SDR42E2: variants seen among roughly 807,000 people sequenced by gnomAD.
SDR42E2 encodes the protein short chain dehydrogenase/reductase family 42E, member 2.
Under a neutral mutation model 10.5 loss-of-function variants are expected in SDR42E2, and 20 were observed. The observed-to-expected ratio is 1.90, with a 90% CI of 1.34 to 2.77. The LOEUF (loss-of-function observed/expected upper bound fraction) is 2.77. SDR42E2 is among the 30% of genes most tolerant of loss of function. The pLI, the probability that SDR42E2 is intolerant of heterozygous loss-of-function variation, is 0.00. For synonymous variants in SDR42E2, 72 were observed against 39.2 expected, an observed-to-expected ratio of 1.84 and a Z score of -3.12; for missense variants, 162 against 104.2, an observed-to-expected ratio of 1.55 and a Z score of -2.42.
At chr16:22,189,688 C>T (rs1267409756) in intron 12 of SDR42E2, among the ~76,000 whole-genome samples, 1 of 152,174 alleles carries the variant, frequency 6.6e-6, no homozygotes. Flanking sequence ...CTGGGGCCCT[C>T]CTGGTCACAG....
chr16:22,164,674 G>A (rs547435979), intron 1 of SDR42E2, among the ~76,000 whole-genome samples: 6 of 152,192 alleles, frequency 3.9e-5, no homozygotes, highest in African/African-American at 9.7e-5. Context: ...CACTACTGTC[G>A]GACCTTGGAG....
chr16:22,165,358 G>C (rs901644047), intron 1 of SDR42E2, among the ~76,000 whole-genome samples, 189 bp from the exon 2 acceptor site: 2 of 152,150 alleles, frequency 1.3e-5, no homozygotes, highest in Non-Finnish European at 2.9e-5. Flanking sequence ...AAACTGCTGG[G>C]ATTACAGACG....
At chr16:22,175,376 C>T (rs2142069404) in intron 7 of SDR42E2, among the ~76,000 whole-genome samples, 1 of 152,100 alleles carries the variant, frequency 6.6e-6, no homozygotes, top group East Asian at 1.9e-4. Flanking sequence ...GGGAGGATCA[C>T]CTGAGCCCAG....
chr16:22,165,194 T>C (rs751382493), intron 1 of SDR42E2, among the ~76,000 whole-genome samples: 10 of 152,140 alleles, frequency 6.6e-5, no homozygotes, highest in Non-Finnish European at 1.3e-4. Context: ...TTCAAGCAAT[T>C]CTTGTGCTTC....
intron 4 of SDR42E2, among the ~76,000 whole-genome samples, chr16:22,168,677 A>C (rs1184058124): frequency 6.6e-6 from 1 of 152,074 alleles, no homozygotes; most frequent in Non-Finnish European, 1.5e-5. Context: ...GTTTGAGACC[A>C]TCCTGACCAA....
chr16:22,171,605 T>G (rs1183244999), intron 6 of SDR42E2, among the ~76,000 whole-genome samples: 1 of 152,028 alleles, frequency 6.6e-6, no homozygotes, highest in Non-Finnish European at 1.5e-5. Context: ...TGATCTCAGC[T>G]CACTGCAACC....
At chr16:22,177,516 T>G (rs982550280) in intron 7 of SDR42E2, among the ~76,000 whole-genome samples, 16 of 151,932 alleles carry the variant, frequency 1.1e-4, no homozygotes, top group African/African-American at 3.4e-4. Context: ...TAATCCCAGC[T>G]ACTTGGGAGG....
chr16:22,176,145 G>T (rs1298021306), intron 7 of SDR42E2, among the ~76,000 whole-genome samples: 1 of 151,962 alleles, frequency 6.6e-6, no homozygotes, highest in Non-Finnish European at 1.5e-5. Context: ...TTGGGACAGG[G>T]TCTCGCTCTG....
intron 5 of SDR42E2, among the ~76,000 whole-genome samples, chr16:22,170,420 C>T (rs2046588274): frequency 6.6e-6 from 1 of 152,152 alleles, no homozygotes; most frequent in Admixed American, 6.6e-5. Context: ...ACCAAAATCG[C>T]AGACCCATGT....
chr16:22,174,674 G>A (rs2046629818), intron 7 of SDR42E2, among the ~76,000 whole-genome samples: 1 of 151,702 alleles, frequency 6.6e-6, no homozygotes, highest in Non-Finnish European at 1.5e-5. Context: ...TTCTCTACCT[G>A]GGGCCTCTGC....
intron 6 of SDR42E2, 117 bp downstream of exon 6, chr16:22,171,068 A>G (rs1321990435): frequency 2.6e-5 from 17 of 663,670 alleles, no homozygotes; most frequent in Non-Finnish European, 4.4e-5. Context: ...CCTAGCAGGA[A>G]GGGGCTCCCA....
At chr16:22,179,932 G>C (rs965150396) in intron 8 of SDR42E2, among the ~76,000 whole-genome samples, 1 of 151,976 alleles carries the variant, frequency 6.6e-6, no homozygotes, top group African/African-American at 2.4e-5. Context: ...AGGGACATTT[G>C]AGCATCCACT....
chr16:22,168,837 C>T lies in SDR42E2; in HGVS notation c.337-608C>T, dbSNP rs191599865. Reference sequence around the variant, plus strand: ...GCAGTGAGCCAAGATTGTACCACTACACTCCACCTTGGACAACAAGAGCTA... The same window carrying T: ...GCAGTGAGCCAAGATTGTACCACTATACTCCACCTTGGACAACAAGAGCTA... On this transcript the variant is annotated intron_variant, in intron 4 of 12. Transcript: ENST00000602312. 5.3e-5 allele frequency among the ~76,000 whole-genome samples: 8 copies of T among 152,194 alleles called. No individual in the cohort carries two copies. In the East Asian group the frequency reaches 1.6e-3, roughly 30 times the overall value.
In SDR42E2 at chr16:22,191,466, C is replaced by T. The variant is rs918423972; in HGVS notation, c.*1073C>T. The stretch of plus-strand genomic sequence containing the variant: ...GGGTGACGTTGGTATGAGTTTGCGC[C>T]GTCGGCTGCTGCTCTGTCTGGTAAC... On this transcript the variant is annotated 3_prime_UTR_variant, in exon 13 of 13. Transcript: ENST00000602312. 13 of 152,222 alleles carry T rather than the reference C, an allele frequency of 8.5e-5. No homozygotes were observed. Among genetic ancestry groups the T allele is most frequent in the African/African-American group, 2.9e-4 (12 of 41,408 alleles). The allele number at this position is 152,222 out of a possible 1,614,324, so 9.4% of individuals were successfully genotyped here. A position where few individuals can be genotyped will look rare whatever the true frequency, so the allele number is the denominator to read the frequency against.
At chr16:22,167,347 G>A (rs1465089628) in intron 4 of SDR42E2, among the ~76,000 whole-genome samples, 1 of 151,712 alleles carries the variant, frequency 6.6e-6, no homozygotes, top group Admixed American at 6.6e-5. Flanking sequence ...AACACGCCCA[G>A]CTAATTTTTG....
intron 7 of SDR42E2, among the ~76,000 whole-genome samples, chr16:22,173,337 G>A (rs566793659): frequency 5.3e-5 from 8 of 151,616 alleles, no homozygotes; most frequent in East Asian, 3.9e-4. Context: ...CTCCTGCCTC[G>A]GCCTCCCGAA....
chr16:22,175,895 A>G (rs1311491011), intron 7 of SDR42E2, among the ~76,000 whole-genome samples: 1 of 151,960 alleles, frequency 6.6e-6, no homozygotes, highest in Non-Finnish European at 1.5e-5. Context: ...CGGGAGGCTG[A>G]GGCAGGCGAA....
Position 22,165,599 on chromosome 16 carries a change from C to A in SDR42E2, c.17C>A (p.Pro6Gln), listed in dbSNP as rs2046528078. 2.5e-6 allele frequency: 1 copy of A among 401,440 alleles called. No individual in the cohort carries two copies. The highest frequency in any genetic ancestry group is 4.4e-6 in the Non-Finnish European group (1 of 226,412). The allele number at this position is 401,440 out of a possible 1,614,324, so 24.9% of individuals were successfully genotyped here. Residue 6 changes from proline (P) to glutamine (Q), a missense_variant, in exon 2 of 13, where the codon CCA becomes CAA. By Grantham distance (76) the Pro-to-Gln change is moderately conservative. Transcript: ENST00000602312. MKSNP[P>Q]RSSLEACKAA... ...CAGTAGAGGATGAAGTCCAACCCCC[C>A]ACGCTCCTCCCTAGAGGCCTGCAAA...
chr16:22,180,385 G>A (rs2046682551), intron 8 of SDR42E2, among the ~76,000 whole-genome samples: 1 of 151,972 alleles, frequency 6.6e-6, no homozygotes, highest in Non-Finnish European at 1.5e-5. Context: ...GGGTGACACA[G>A]GGAGACTCTA....
Sources: gnomAD v4.1 joint callset for allele counts (sites outside exome capture counted in the v4.1 genomes callset) on GRCh38, gnomAD v4.1.1 for gene constraint, MANE v1.5 for transcripts, NCBI Gene and HGNC (gene_info 2026-07-23, HGNC 2026-07-21) for gene names.